The following PLD5 variants were observed in gnomAD, a reference collection of about 807,000 sequenced individuals.
PLD5 encodes phospholipase D family member 5.
PLD5 carries 36 observed loss-of-function variants against 61.1 expected under a neutral mutation model. The ratio of observed to expected loss-of-function variants is 0.59; its 90% confidence interval spans 0.45 to 0.78. The LOEUF (loss-of-function observed/expected upper bound fraction) is 0.78. Ranked by LOEUF, PLD5 falls within the 30% of genes least tolerant of loss-of-function variation. The pLI is 0.00. For missense variants in PLD5, 515 were observed against 644.4 expected, an observed-to-expected ratio of 0.80 and a Z score of 2.17; for synonymous variants, 243 against 242.8, an observed-to-expected ratio of 1.00 and a Z score of -0.01.
At chr1:242,093,541 G>A (rs1017682428) in intron 9 of PLD5, among the ~76,000 whole-genome samples, 2 of 152,158 alleles carry the variant, frequency 1.3e-5, no homozygotes, top group Non-Finnish European at 2.9e-5. Flanking sequence ...AGGCACAGAA[G>A]GGTTAAGTAA....
At chr1:242,349,127 C>G (rs2919016) in intron 1 of PLD5, among the ~76,000 whole-genome samples, 1 of 152,134 alleles carries the variant, frequency 6.6e-6, no homozygotes, top group Non-Finnish European at 1.5e-5. Flanking sequence ...AAAGGCAGGA[C>G]AGCTGGAAGT....
At chr1:242,339,869 AG>A (rs1423310706) in intron 2 of PLD5, among the ~76,000 whole-genome samples, 1 of 152,186 alleles carries the variant, frequency 6.6e-6, no homozygotes, top group African/African-American at 2.4e-5. Context: ...AGGGAAGGGA[AG>A]GGGAGGGAAG....
rs1195467951 is a variant in PLD5 at position 242,394,969 on chromosome 1, T to TTATATATGAATATATATGAA, written c.190-46747_190-46728dup. Among the ~76,000 whole-genome samples the TTATATATGAATATATATGAA allele has an allele frequency of 8.3e-5, 5 of 60,446 alleles. 1 individual carries two copies. The East Asian group carries it at 1.1e-3, about 13-fold the overall frequency. 39.7% of individuals were successfully genotyped at this position (60,446 alleles called of 152,430 possible). ...TATGATTATATATGAATATATATGA[T>TTATATATGAATATATATGAA]TATATATGAATATATATGAATATAT... is the stretch of plus-strand genomic sequence containing the variant. On this transcript the variant is annotated intron_variant, in intron 1 of 9. Transcript: ENST00000536534.
At chr1:242,265,966 G>A (rs71498835) in intron 3 of PLD5, among the ~76,000 whole-genome samples, 1 of 152,112 alleles carries the variant, frequency 6.6e-6, no homozygotes, top group Non-Finnish European at 1.5e-5. Context: ...CTGTTAAGAG[G>A]GAAATTATGG....
intron 5 of PLD5, among the ~76,000 whole-genome samples, chr1:242,215,564 T>C (rs1413163155): frequency 1.3e-5 from 2 of 152,216 alleles, no homozygotes; most frequent in Non-Finnish European, 2.9e-5. Flanking sequence ...CAGTAATGTA[T>C]GGTGTGGTCC....
intron 1 of PLD5, among the ~76,000 whole-genome samples, chr1:242,382,823 A>T (rs890490092): frequency 2.6e-5 from 4 of 152,224 alleles, no homozygotes; most frequent in African/African-American, 9.6e-5. Context: ...CTTTAATTAT[A>T]TATGTTTCAT....
intron 2 of PLD5, among the ~76,000 whole-genome samples, chr1:242,331,272 G>A (rs1184828582): frequency 2.6e-5 from 4 of 152,156 alleles, no homozygotes; most frequent in Non-Finnish European, 5.9e-5. Context: ...TGCATTACCA[G>A]CCTAACCAAA....
chr1:242,105,179 G>A (rs923662134), intron 8 of PLD5, among the ~76,000 whole-genome samples: 1 of 151,688 alleles, frequency 6.6e-6, no homozygotes. Flanking sequence ...ATAGGGCTTC[G>A]GCTATAGGGA....
intron 2 of PLD5, among the ~76,000 whole-genome samples, chr1:242,295,854 T>C (rs1675622815): frequency 6.6e-6 from 1 of 152,240 alleles, no homozygotes. Context: ...TGAAATGGTA[T>C]CGCATTGTGG....
At chr1:242,318,499 C>T (rs953924510) in intron 2 of PLD5, among the ~76,000 whole-genome samples, 4 of 152,156 alleles carry the variant, frequency 2.6e-5, no homozygotes, top group Non-Finnish European at 4.4e-5. Flanking sequence ...CTCGACACTT[C>T]GTTAGGCCAA....
chr1:242,439,763 T>A (rs1415653571), intron 1 of PLD5, among the ~76,000 whole-genome samples: 1 of 152,144 alleles, frequency 6.6e-6, no homozygotes, highest in East Asian at 1.9e-4. Context: ...ACTCAGGAGC[T>A]TTTTGTTAAA....
At chr1:242,364,046 T>C (rs1255831991) in intron 1 of PLD5, among the ~76,000 whole-genome samples, 1 of 152,082 alleles carries the variant, frequency 6.6e-6, no homozygotes, top group African/African-American at 2.4e-5. Flanking sequence ...TTGAGACAGA[T>C]GTAATAGAGT....
intron 1 of PLD5, among the ~76,000 whole-genome samples, chr1:242,433,889 C>A (rs1665855304): frequency 6.6e-6 from 1 of 152,090 alleles, no homozygotes; most frequent in Non-Finnish European, 1.5e-5. Context: ...TACTGAGGAG[C>A]AGGAGGTCAC....
chr1:242,370,426 GA>G (rs1661568214), intron 1 of PLD5, among the ~76,000 whole-genome samples: 1 of 152,094 alleles, frequency 6.6e-6, no homozygotes, highest in Non-Finnish European at 1.5e-5. Flanking sequence ...GGGGTGAGGG[GA>G]AAGAGAGATG....
chr1:242,481,339 G>GA (rs1667768480), intron 1 of PLD5, among the ~76,000 whole-genome samples: 1 of 152,178 alleles, frequency 6.6e-6, no homozygotes, highest in Non-Finnish European at 1.5e-5. Context: ...ACCGCACCTG[G>GA]AAAATCAGGT....
At chr1:242,124,428 G>A (rs747933843) in intron 6 of PLD5, 40 bp downstream of exon 6, 14 of 1,572,448 alleles carry the variant, frequency 8.9e-6, no homozygotes, top group Non-Finnish European at 9.6e-6. Flanking sequence ...AGCCTTTGGA[G>A]GAAGAAGGAG....
At chr1:242,238,582 A>C (rs1574584940) in intron 4 of PLD5, among the ~76,000 whole-genome samples, 1 of 152,256 alleles carries the variant, frequency 6.6e-6, no homozygotes. Flanking sequence ...GCTTTGAAAA[A>C]AGAGATGAAC....
intron 2 of PLD5, among the ~76,000 whole-genome samples, chr1:242,316,968 T>C (rs537114422): frequency 6.6e-6 from 1 of 152,250 alleles, no homozygotes; most frequent in East Asian, 1.9e-4. Flanking sequence ...GGCTGTATAG[T>C]ATTCCATGGT....
At chr1:242,230,131 C>T (rs1671207710) in intron 4 of PLD5, among the ~76,000 whole-genome samples, 1 of 152,146 alleles carries the variant, frequency 6.6e-6, no homozygotes, top group African/African-American at 2.4e-5. Context: ...ATTCAGCTCA[C>T]AATGTTGACA....
Sources: allele counts gnomAD v4.1 joint callset (sites outside exome capture counted in the v4.1 genomes callset), GRCh38; gene constraint gnomAD v4.1.1; transcripts MANE v1.5; gene names NCBI Gene and HGNC (gene_info 2026-07-23, HGNC 2026-07-21).